SEMA5B: variants seen among roughly 807,000 people sequenced by gnomAD.
SEMA5B encodes the protein semaphorin-5B.
In SEMA5B, 66 loss-of-function variants were observed where a neutral mutation model predicts 135.0. The observed-to-expected ratio is 0.49, with a 90% CI of 0.40 to 0.60. The LOEUF (loss-of-function observed/expected upper bound fraction) is 0.60. SEMA5B is among the 20% of genes least tolerant of loss of function. The probability of loss-of-function intolerance (pLI) is 0.00; values close to 1 mark genes in which losing one functional copy is unlikely to be tolerated. For missense variants in SEMA5B, 1,501 were observed against 1,566.3 expected (o/e 0.96, Z 0.70); for synonymous variants, 690 against 639.5 (o/e 1.08, Z -1.19).
At chr3:123,018,922 G>T (rs567154761) in intron 1 of SEMA5B, among the ~76,000 whole-genome samples, 5 of 152,286 alleles carry the variant, frequency 3.3e-5, no homozygotes, top group African/African-American at 1.2e-4. Flanking sequence ...CTTGGCAGCT[G>T]GTCAGTGAGG....
At chr3:123,024,801 T>C (rs1000626581) in intron 1 of SEMA5B, among the ~76,000 whole-genome samples, 6 of 152,182 alleles carry the variant, frequency 3.9e-5, no homozygotes, top group African/African-American at 1.2e-4. Context: ...TCTATAGATA[T>C]AAGGGGTCAG....
At chr3:122,928,452 G>A in intron 7 of SEMA5B, 65 bp downstream of exon 7, 1 of 1,314,844 alleles carries the variant, frequency 7.6e-7, no homozygotes. Flanking sequence ...TCAAGGCTGT[G>A]TGCCTAGGCA....
chr3:122,911,866 T>C (rs944239394), intron 20 of SEMA5B, 54 bp downstream of exon 20: 5 of 1,528,554 alleles, frequency 3.3e-6, no homozygotes, highest in East Asian at 2.3e-5. Flanking sequence ...GAGAAGGAAG[T>C]TGGGAGTGCA....
intron 5 of SEMA5B, among the ~76,000 whole-genome samples, chr3:122,937,683 C>A (rs1939359009): frequency 1.3e-5 from 2 of 152,140 alleles, no homozygotes; most frequent in South Asian, 4.1e-4. Flanking sequence ...AAGCTACCTG[C>A]CCCAGGCTGA....
intron 1 of SEMA5B, among the ~76,000 whole-genome samples, chr3:123,018,976 G>T (rs193168850): frequency 6.6e-6 from 1 of 152,216 alleles, no homozygotes; most frequent in African/African-American, 2.4e-5. Context: ...ATAAAGGGAT[G>T]AGGACATGAC....
chr3:122,965,269 C>T (rs759558857), intron 1 of SEMA5B, among the ~76,000 whole-genome samples: 16 of 152,160 alleles, frequency 1.1e-4, no homozygotes, highest in Admixed American at 2.6e-4. Context: ...CCATTGTCTT[C>T]GATAATAAAC....
chr3:122,981,436 C>T (rs1941518598), intron 1 of SEMA5B, among the ~76,000 whole-genome samples: 1 of 152,238 alleles, frequency 6.6e-6, no homozygotes, highest in Admixed American at 6.5e-5. Flanking sequence ...TTGACAGCTT[C>T]CTGGGAAAAC....
chr3:122,939,559 G>A (rs1939460079), intron 4 of SEMA5B, 89 bp from the exon 5 acceptor site: 6 of 970,558 alleles, frequency 6.2e-6, no homozygotes, highest in African/African-American at 1.6e-5. Flanking sequence ...CTCCTGGGAC[G>A]CCAGGACTGG....
intron 12 of SEMA5B, 25 bp downstream of exon 12, chr3:122,921,890 C>G (rs1234237154): frequency 1.3e-6 from 2 of 1,519,176 alleles, no homozygotes; most frequent in Non-Finnish European, 1.8e-6. Context: ...GTGGAGGCCT[C>G]GGGAGCCGCC....
chr3:122,990,293 G>A (rs1192116828), intron 1 of SEMA5B, among the ~76,000 whole-genome samples: 3 of 152,116 alleles, frequency 2.0e-5, no homozygotes, highest in East Asian at 1.9e-4. Context: ...TGGGAGACAT[G>A]GAAAGAAGGG....
chr3:122,948,344 A>G (rs1576358077), intron 3 of SEMA5B, among the ~76,000 whole-genome samples, 162 bp downstream of exon 3: 1 of 152,210 alleles, frequency 6.6e-6, no homozygotes, highest in East Asian at 1.9e-4. Flanking sequence ...TTCTTAAAAC[A>G]TCCAGCACCA....
intron 5 of SEMA5B, among the ~76,000 whole-genome samples, chr3:122,932,664 T>C (rs59293996): frequency 1.4e-3 from 213 of 152,014 alleles, no homozygotes; most frequent in African/African-American, 4.9e-3. Flanking sequence ...ACCCCTAGCC[T>C]GTAAGCAGTG....
intron 4 of SEMA5B, among the ~76,000 whole-genome samples, chr3:122,942,461 G>A (rs1273487003): frequency 6.6e-6 from 1 of 152,192 alleles, no homozygotes; most frequent in African/African-American, 2.4e-5. Context: ...GAACCTCTGG[G>A]CTGCAGAGCT....
chr3:122,996,568 G>A (rs868301150), intron 1 of SEMA5B, among the ~76,000 whole-genome samples: 2 of 152,246 alleles, frequency 1.3e-5, no homozygotes, highest in Non-Finnish European at 2.9e-5. Context: ...TGGACTGAGA[G>A]CACTGTCTTG....
At chr3:122,962,346 T>A (rs1045251253) in intron 1 of SEMA5B, among the ~76,000 whole-genome samples, 6 of 152,116 alleles carry the variant, frequency 3.9e-5, no homozygotes, top group African/African-American at 1.2e-4. Context: ...GGCCACATGG[T>A]CTCAGGGAAG....
chr3:123,014,778 A>T (rs1942516958), intron 1 of SEMA5B, among the ~76,000 whole-genome samples: 1 of 152,192 alleles, frequency 6.6e-6, no homozygotes, highest in Non-Finnish European at 1.5e-5. Context: ...GTAGTCTCGA[A>T]ACAGGAGGTC....
At chr3:123,018,902 A>G (rs550600172) in intron 1 of SEMA5B, among the ~76,000 whole-genome samples, 39 of 152,354 alleles carry the variant, frequency 2.6e-4, no homozygotes, top group East Asian at 9.6e-4. Flanking sequence ...GCTGCAAGGC[A>G]TGCTGGAATC....
intron 1 of SEMA5B, among the ~76,000 whole-genome samples, chr3:122,971,861 C>T (rs892855953): frequency 1.1e-4 from 17 of 152,198 alleles, no homozygotes; most frequent in African/African-American, 3.4e-4. Context: ...CAACAGGCAC[C>T]GTGTTCTGCA....
chr3:122,996,791 G>A (rs1255919192), intron 1 of SEMA5B, among the ~76,000 whole-genome samples: 1 of 152,190 alleles, frequency 6.6e-6, no homozygotes, highest in Admixed American at 6.5e-5. Flanking sequence ...CTGGGCCTCT[G>A]GGAAGGCAGC....
Sources: gnomAD v4.1 joint callset for allele counts (sites outside exome capture counted in the v4.1 genomes callset) on GRCh38, gnomAD v4.1.1 for gene constraint, MANE v1.5 for transcripts, NCBI Gene and HGNC (gene_info 2026-07-23, HGNC 2026-07-21) for gene names.